The following SRRM4 variants were observed in gnomAD, a reference collection of about 807,000 sequenced individuals.
SRRM4 encodes serine/arginine repetitive matrix 4.
In SRRM4, 33 loss-of-function variants were observed where a neutral mutation model predicts 68.9. That is an observed-to-expected ratio of 0.48 (90% CI 0.36 to 0.64). The LOEUF (loss-of-function observed/expected upper bound fraction) is 0.64. Among genes scored for constraint, SRRM4 ranks in the 30% least tolerant of loss-of-function variants. The pLI is 0.00. For missense variants in SRRM4, 817 were observed against 827.1 expected (o/e 0.99, Z 0.15); for synonymous variants, 318 against 318.8 (o/e 1.00, Z 0.03).
chr12:119,134,711 C>T (rs4265644), intron 8 of SRRM4, among the ~76,000 whole-genome samples: 83,602 of 152,048 alleles, frequency 0.55, 23,266 homozygotes, highest in South Asian at 0.63. Flanking sequence ...CCAGCTTCCT[C>T]TGTGGTGGGG....
intron 1 of SRRM4, among the ~76,000 whole-genome samples, chr12:119,016,762 G>C (rs771102527): frequency 1.3e-5 from 2 of 152,106 alleles, no homozygotes; most frequent in Non-Finnish European, 2.9e-5. Flanking sequence ...GGGGCTTATT[G>C]GTAGTTTTCA....
At chr12:119,079,286 C>T (rs1315784338) in intron 1 of SRRM4, among the ~76,000 whole-genome samples, 1 of 152,168 alleles carries the variant, frequency 6.6e-6, no homozygotes, top group Admixed American at 6.5e-5. Context: ...GTCTGGCCTC[C>T]TGAGCCACAG....
chr12:119,137,859 T>C (rs981629701), intron 8 of SRRM4, among the ~76,000 whole-genome samples: 1 of 152,160 alleles, frequency 6.6e-6, no homozygotes, highest in African/African-American at 2.4e-5. Context: ...GTTCCTTTCA[T>C]TGACAAAAGT....
chr12:118,988,138 C>T lies in SRRM4; in HGVS notation c.131+6125C>T, dbSNP rs79100837. ...GAGACAGAGGAATGTAAAAAAAAAA[C>T]AGCGAAGGGAGAGACCCTTAATGAA... On this transcript the variant is annotated intron_variant, in intron 1 of 12. Transcript: ENST00000267260. 2.0e-5 allele frequency among the ~76,000 whole-genome samples: 3 copies of T among 148,678 alleles called. No individual in the cohort carries two copies. In the South Asian group the frequency reaches 6.4e-4, roughly 32 times the overall value.
intron 1 of SRRM4, among the ~76,000 whole-genome samples, chr12:118,987,060 G>A (rs1953287137): frequency 6.6e-6 from 1 of 152,112 alleles, no homozygotes; most frequent in African/African-American, 2.4e-5. Context: ...TGAGGTGGAG[G>A]AAGTAGAATG....
intron 1 of SRRM4, among the ~76,000 whole-genome samples, chr12:118,986,298 T>A (rs1953281527): frequency 6.6e-6 from 1 of 152,134 alleles, no homozygotes; most frequent in Non-Finnish European, 1.5e-5. Flanking sequence ...TGGCGGTGAA[T>A]GAGCGTTTTT....
chr12:118,984,923 C>T (rs958592102), intron 1 of SRRM4, among the ~76,000 whole-genome samples: 29 of 152,192 alleles, frequency 1.9e-4, no homozygotes, highest in African/African-American at 6.5e-4. Flanking sequence ...AATAGTTTTA[C>T]CACACTGAGC....
At chr12:119,076,790 G>C (rs904698541) in intron 1 of SRRM4, among the ~76,000 whole-genome samples, 2 of 152,196 alleles carry the variant, frequency 1.3e-5, no homozygotes, top group African/African-American at 4.8e-5. Context: ...CAGAGAAAAT[G>C]TCTCCATGAT....
In SRRM4 at chr12:119,057,864, C is replaced by T. The variant is rs560307616; in HGVS notation, c.132-44372C>T. ...GCAACCGTGTCAACATCTGTTGTTT[C>T]TGGACTTTTTAGTAATTGCCATTGG... On this transcript the variant is annotated intron_variant, in intron 1 of 12. Transcript: ENST00000267260. 2.0e-5 allele frequency among the ~76,000 whole-genome samples: 3 copies of T among 152,266 alleles called. No homozygotes were observed. In the South Asian group the frequency reaches 6.2e-4, roughly 32 times the overall value.
At chr12:119,040,530 A>G (rs1953661539) in intron 1 of SRRM4, among the ~76,000 whole-genome samples, 1 of 152,146 alleles carries the variant, frequency 6.6e-6, no homozygotes, top group African/African-American at 2.4e-5. Context: ...CTGTTAATTC[A>G]TTCCTTTTTA....
At chr12:119,117,928 C>CAAAT (rs1419420958) in intron 4 of SRRM4, among the ~76,000 whole-genome samples, 1 of 152,074 alleles carries the variant, frequency 6.6e-6, no homozygotes, top group African/African-American at 2.4e-5. Context: ...AACAAACAAA[C>CAAAT]AAACAAACAA....
In SRRM4 at chr12:119,162,742, C is replaced by G. The variant is rs554477294; in HGVS notation, c.*5944C>G. 1 of 152,286 alleles carries G rather than the reference C, an allele frequency of 6.6e-6. No homozygotes were observed. The highest frequency in any genetic ancestry group is 2.1e-4 in the South Asian group (1 of 4,824). 9.4% of individuals were successfully genotyped at this position (152,286 alleles called of 1,614,324 possible). A position where few individuals can be genotyped will look rare whatever the true frequency, so the allele number is the denominator to read the frequency against. On this transcript the variant is annotated 3_prime_UTR_variant, in exon 13 of 13. Transcript: ENST00000267260. ...ACATTGGCCAAGGGGACGTGGTGCA[C>G]CCCAAGGCCATTTCTCTGCATTGGA...
intron 1 of SRRM4, among the ~76,000 whole-genome samples, chr12:119,096,976 G>T (rs896413434): frequency 6.6e-6 from 1 of 152,160 alleles, no homozygotes; most frequent in Non-Finnish European, 1.5e-5. Context: ...CAGCATCTAA[G>T]CTCCAGGTCT....
chr12:119,066,241 T>C (rs1953845240), intron 1 of SRRM4, among the ~76,000 whole-genome samples: 1 of 152,182 alleles, frequency 6.6e-6, no homozygotes, highest in Admixed American at 6.5e-5. Flanking sequence ...ATGTGCCAAG[T>C]ACTGTAATAA....
At chr12:119,040,430 T>G (rs2136011228) in intron 1 of SRRM4, among the ~76,000 whole-genome samples, 1 of 152,324 alleles carries the variant, frequency 6.6e-6, no homozygotes, top group African/African-American at 2.4e-5. Context: ...CTCCCACATA[T>G]CAGTGAGAAC....
chr12:119,111,120 C>A (rs1196960128), intron 2 of SRRM4, among the ~76,000 whole-genome samples: 1 of 152,238 alleles, frequency 6.6e-6, no homozygotes, highest in East Asian at 1.9e-4. Context: ...CCACTGCATA[C>A]TCAACTGATA....
intron 1 of SRRM4, among the ~76,000 whole-genome samples, chr12:119,034,276 G>A (rs1311410601): frequency 6.6e-6 from 1 of 152,192 alleles, no homozygotes; most frequent in African/African-American, 2.4e-5. Flanking sequence ...GGCTGCCCCA[G>A]GAAGGGGACA....
At chr12:119,072,637 C>T (rs1168483665) in intron 1 of SRRM4, among the ~76,000 whole-genome samples, 3 of 131,622 alleles carry the variant, frequency 2.3e-5, no homozygotes, top group Admixed American at 7.8e-5. Context: ...TGAACAGAGA[C>T]GTCGGACACC....
intron 2 of SRRM4, among the ~76,000 whole-genome samples, chr12:119,113,886 A>C (rs1178670378): frequency 6.6e-6 from 1 of 152,202 alleles, no homozygotes; most frequent in Non-Finnish European, 1.5e-5. Flanking sequence ...CCTGCTATTA[A>C]ATTTCCAGCA....
Sources: allele counts gnomAD v4.1 joint callset (sites outside exome capture counted in the v4.1 genomes callset), GRCh38; gene constraint gnomAD v4.1.1; transcripts MANE v1.5; gene names NCBI Gene and HGNC (gene_info 2026-07-23, HGNC 2026-07-21).